The following ADA variants were observed in gnomAD, a reference collection of about 807,000 sequenced individuals.
ADA encodes the protein adenosine aminohydrolase.
A neutral mutation model predicts 49.0 loss-of-function variants in ADA; 45 were observed. The observed-to-expected ratio is 0.92, with a 90% CI of 0.72 to 1.18. The LOEUF (loss-of-function observed/expected upper bound fraction) is 1.18, where lower values mean the gene tolerates loss of function less well. Ranked by LOEUF, ADA falls within the 50% of genes most tolerant of loss-of-function variation. ADA has a pLI of 0.00. For missense variants in ADA, 445 were observed against 472.5 expected, an observed-to-expected ratio of 0.94 and a Z score of 0.54; for synonymous variants, 173 against 184.2, an observed-to-expected ratio of 0.94 and a Z score of 0.49.
chr20:44,631,974 A>C (rs2065437687), intron 2 of ADA, among the ~76,000 whole-genome samples: 1 of 152,026 alleles, frequency 6.6e-6, no homozygotes, highest in Admixed American at 6.5e-5. Flanking sequence ...AGCTGCCCAC[A>C]CCAGAGACGG....
chr20:44,631,295 C>G (rs1192580918), intron 2 of ADA, among the ~76,000 whole-genome samples: 1 of 152,120 alleles, frequency 6.6e-6, no homozygotes, highest in Admixed American at 6.5e-5. Flanking sequence ...CCTTACCAGC[C>G]CCTAATCCCT....
In ADA at chr20:44,625,603, G is replaced by A. The variant is rs1348483934; in HGVS notation, c.444C>T (p.Ala148=). The change falls in exon 5 of 12, where the codon GCC becomes GCT. Residue 148 remains alanine (A), a synonymous_variant. Transcript: ENST00000372874. The stretch of plus-strand genomic sequence containing the variant: ...GGCGCATGCAGCACAGGATGGACCG[G>A]GCCTTGACCCCGAAGTCTCGCTCCC... ...QEGERDFGVK[A]RSILCCMRHQ... 1 of 1,589,226 alleles carries A rather than the reference G, an allele frequency of 6.3e-7. No homozygotes were observed. The highest frequency in any genetic ancestry group is 1.1e-5 in the South Asian group (1 of 87,362).
At chr20:44,638,314 G>C (rs1810751) in intron 1 of ADA, among the ~76,000 whole-genome samples, 129,246 of 152,290 alleles carry the variant, frequency 0.85, 57,714 homozygotes, top group Non-Finnish European at 0.99. Flanking sequence ...GGGGGCTCAC[G>C]CCTGTAATCC....
At chr20:44,626,668 C>T in intron 3 of ADA, 69 bp from the exon 4 acceptor site, 1 of 1,594,510 alleles carries the variant, frequency 6.3e-7, no homozygotes, top group Non-Finnish European at 8.6e-7. Flanking sequence ...GAGCAAATGA[C>T]ATCCCCAACC....
At position 44,619,798 on chromosome 20, in the gene ADA, G is replaced by A; in HGVS notation, c.*36C>T. 6.2e-7 allele frequency: 1 copy of A among 1,613,968 alleles called. No individual in the cohort carries two copies. The highest frequency in any genetic ancestry group is 8.5e-7 in the Non-Finnish European group (1 of 1,179,818). On this transcript the variant is annotated 3_prime_UTR_variant, in exon 12 of 12. Transcript: ENST00000372874. ...TTGCTCAGCCCCACAGAGTTGGGGTGACTCCACAGGGTGAAGGCTTGGAGG... is the reference window on the plus strand; with the variant it reads ...TTGCTCAGCCCCACAGAGTTGGGGTAACTCCACAGGGTGAAGGCTTGGAGG...
chr20:44,619,881 G>A, intron 11 of ADA, 34 bp from the exon 12 acceptor site: 1 of 1,614,018 alleles, frequency 6.2e-7, no homozygotes, highest in Non-Finnish European at 8.5e-7. Context: ...AAAAGATCAG[G>A]CAACTTGTAG....
intron 1 of ADA, among the ~76,000 whole-genome samples, chr20:44,651,322 A>T (rs2145366589): frequency 6.6e-6 from 1 of 152,356 alleles, no homozygotes; most frequent in African/African-American, 2.4e-5. Context: ...CTTGACAGAC[A>T]GCGAAACTGA....
chr20:44,624,009 G>A (rs531343131), intron 6 of ADA, 193 bp downstream of exon 6: 9 of 736,428 alleles, frequency 1.2e-5, no homozygotes, highest in South Asian at 1.2e-4. Flanking sequence ...GCCTCCCAAA[G>A]TGCTGGGATC....
rs1007038994 is a variant in ADA, at chr20:44,625,795, C to T, written c.363-111G>A. 31 of 810,526 alleles carry T rather than the reference C, an allele frequency of 3.8e-5. No individual in the cohort carries two copies. The African/African-American group carries it at 5.3e-4, about 14-fold the overall frequency. 50.2% of individuals were successfully genotyped at this position (810,526 alleles called of 1,614,324 possible). On this transcript the variant is annotated intron_variant, in intron 4 of 11. Coordinates refer to ENST00000372874, the MANE Select transcript of ADA (RefSeq NM_000022.4). ...GAGGCTTTGGGGAGGACCCTCCTCC[C>T]CCACTGACCCACTGCCTCAGAGGAA...
intron 2 of ADA, among the ~76,000 whole-genome samples, chr20:44,632,884 G>A (rs1050851127): frequency 6.6e-6 from 1 of 152,362 alleles, no homozygotes; most frequent in South Asian, 2.1e-4. Context: ...AGTAGACACG[G>A]GGTTTCCCCA....
At chr20:44,632,838 GC>G (rs796349116) in intron 2 of ADA, among the ~76,000 whole-genome samples, 7 of 152,314 alleles carry the variant, frequency 4.6e-5, no homozygotes, top group African/African-American at 1.7e-4. Flanking sequence ...GATTATAGAT[GC>G]CCACCACCAT....
intron 2 of ADA, among the ~76,000 whole-genome samples, chr20:44,630,429 C>T (rs2065423382): frequency 6.6e-6 from 1 of 150,978 alleles, no homozygotes; most frequent in Non-Finnish European, 1.5e-5. Flanking sequence ...GAGGAAACAG[C>T]ACAGAGAACA....
At chr20:44,645,423 A>C (rs143974366) in intron 1 of ADA, among the ~76,000 whole-genome samples, 71 of 151,592 alleles carry the variant, frequency 4.7e-4, no homozygotes, top group African/African-American at 1.5e-3. Context: ...AAGGACAGCC[A>C]TTGTTATGGC....
rs1229604290 is a variant in ADA, at chr20:44,624,277, C to T, written c.531G>A (p.Val177=). 1 of 1,614,044 alleles carries T rather than the reference C, an allele frequency of 6.2e-7. No homozygotes were observed. Among genetic ancestry groups the T allele is most frequent in the Non-Finnish European group, 8.5e-7 (1 of 1,179,968 alleles). ...CATCTCCAGCCAGGTCAATGGCTAC[C>T]ACGGTCTGCTGCTGGTACTTCTTAC... ...ELCKKYQQQT[V]VAIDLAGDET... The change falls in exon 6 of 12, where the codon GTG becomes GTA. Residue 177 remains valine (V), a synonymous_variant. Transcript: ENST00000372874.
intron 2 of ADA, among the ~76,000 whole-genome samples, chr20:44,634,449 G>A (rs921273849): frequency 3.1e-4 from 47 of 152,320 alleles, no homozygotes; most frequent in African/African-American, 9.9e-4. Flanking sequence ...CCATGGACTC[G>A]GGGGCAGACT....
Position 44,619,854 on chromosome 20 carries a change from G to T in ADA, c.1079-7C>A, listed in dbSNP as rs551934402. On this transcript the variant is annotated splice_polypyrimidine_tract_variant and splice_region_variant and intron_variant, in intron 11 of 11. Coordinates refer to ENST00000372874, the MANE Select transcript of ADA (RefSeq NM_000022.4). Reference sequence around the variant, plus strand: ...CGTCTTCAGAGGTTCTGCCCTGCTCGTTGGTTCAGAGAAGCAAAAAGATCA... The same window carrying T: ...CGTCTTCAGAGGTTCTGCCCTGCTCTTTGGTTCAGAGAAGCAAAAAGATCA... 16 of 1,614,030 alleles carry T rather than the reference G, an allele frequency of 9.9e-6. No homozygotes were observed. In the East Asian group the frequency reaches 3.3e-4, roughly 34 times the overall value.
intron 1 of ADA, among the ~76,000 whole-genome samples, chr20:44,645,585 G>A (rs529898331): frequency 6.3e-4 from 96 of 152,272 alleles, no homozygotes; most frequent in African/African-American, 2.2e-3. Flanking sequence ...TTGCACCACT[G>A]CACTCCAGCC....
Position 44,636,261 on chromosome 20 carries a change from A to C in ADA, c.61T>G (p.Ser21Ala), listed in dbSNP as rs139350872. 31 of 1,610,070 alleles carry C rather than the reference A, an allele frequency of 1.9e-5. No homozygotes were observed. The African/African-American group carries it at 3.1e-4, about 16-fold the overall frequency. The change falls in exon 2 of 12, where the codon TCC becomes GCC. Residue 21 changes from serine to alanine, a missense_variant. Physicochemically the swap from Ser to Ala is moderately conservative, Grantham distance 99. Coordinates refer to ENST00000372874, the MANE Select transcript of ADA (RefSeq NM_000022.4). ...TATAAGATGGTTTCAGGCTTGATGGATCCGTCTAGGTGGACATGCAGTTCC... is the reference window on the plus strand; with the variant it reads ...TATAAGATGGTTTCAGGCTTGATGGCTCCGTCTAGGTGGACATGCAGTTCC... Reference protein sequence around the residue: ...KVELHVHLDGSIKPETILYYG... With the variant: ...KVELHVHLDGAIKPETILYYG...
At chr20:44,622,452 A>G in intron 9 of ADA, 136 bp downstream of exon 9, 2 of 1,079,546 alleles carry the variant, frequency 1.9e-6, no homozygotes, top group Non-Finnish European at 2.8e-6. Context: ...GAGGACGGCA[A>G]TGCCTGCTTC....
Sources: gnomAD v4.1 joint callset for allele counts (sites outside exome capture counted in the v4.1 genomes callset) on GRCh38, gnomAD v4.1.1 for gene constraint, MANE v1.5 for transcripts, NCBI Gene and HGNC (gene_info 2026-07-23, HGNC 2026-07-21) for gene names.